Variants in ENTPD1 observed in about 807,000 individuals in gnomAD.
ENTPD1 encodes ATP diphosphohydrolase.
Under a neutral mutation model 57.0 loss-of-function variants are expected in ENTPD1, and 33 were observed. The ratio of observed to expected loss-of-function variants is 0.58; its 90% CI spans 0.44 to 0.77. The LOEUF is 0.77. Among genes scored for constraint, ENTPD1 ranks in the 30% least tolerant of loss-of-function variants. The probability of loss-of-function intolerance (pLI) is 0.00; values close to 1 mark genes in which losing one functional copy is unlikely to be tolerated. For synonymous variants in ENTPD1, 202 were observed against 218.8 expected, an observed-to-expected ratio of 0.92 and a Z score of 0.68; for missense variants, 501 against 603.4, an observed-to-expected ratio of 0.83 and a Z score of 1.78.
At chr10:95,758,991 C>T (rs1392115464) in intron 1 of ENTPD1, among the ~76,000 whole-genome samples, 2 of 152,200 alleles carry the variant, frequency 1.3e-5, no homozygotes, top group Non-Finnish European at 2.9e-5. Context: ...TTTGGTGTTC[C>T]TCTCAGAGAA....
chr10:95,775,062 G>C (rs1249298848), intron 1 of ENTPD1, among the ~76,000 whole-genome samples: 2 of 152,142 alleles, frequency 1.3e-5, no homozygotes, highest in African/African-American at 4.8e-5. Context: ...TTGTGAGTTG[G>C]ATTCCTAGGT....
intron 1 of ENTPD1, among the ~76,000 whole-genome samples, chr10:95,741,352 A>C (rs545818371): frequency 6.6e-6 from 1 of 152,366 alleles, no homozygotes; most frequent in Admixed American, 6.5e-5. Context: ...AATTAAGTTC[A>C]TCATCTTATA....
At chr10:95,732,757 C>T (rs747841063) in intron 1 of ENTPD1, among the ~76,000 whole-genome samples, 3 of 152,032 alleles carry the variant, frequency 2.0e-5, no homozygotes, top group African/African-American at 4.8e-5. Context: ...ACACACATGT[C>T]GGCAGGTTCC....
At chr10:95,782,088 A>G (rs559841687) in intron 1 of ENTPD1, among the ~76,000 whole-genome samples, 2 of 152,360 alleles carry the variant, frequency 1.3e-5, no homozygotes, top group South Asian at 4.1e-4. Flanking sequence ...TGAGCTGAAG[A>G]TAATACTGCA....
At chr10:95,859,672 T>C (rs1042422566) in intron 7 of ENTPD1, among the ~76,000 whole-genome samples, 7 of 152,110 alleles carry the variant, frequency 4.6e-5, no homozygotes, top group Admixed American at 4.6e-4. Flanking sequence ...GCTCAATTAT[T>C]TTTTCCCCTT....
At chr10:95,824,239 G>A (rs1462727628) in intron 2 of ENTPD1, among the ~76,000 whole-genome samples, 1 of 152,232 alleles carries the variant, frequency 6.6e-6, no homozygotes, top group Non-Finnish European at 1.5e-5. Flanking sequence ...ATGCATGTAT[G>A]TACACATGGG....
chr10:95,786,076 C>T (rs1040823516), intron 1 of ENTPD1, among the ~76,000 whole-genome samples: 3 of 152,120 alleles, frequency 2.0e-5, no homozygotes, highest in African/African-American at 7.2e-5. Context: ...CTGAGGGCCT[C>T]ATATCTGAGC....
chr10:95,713,994 A>G (rs774537643), intron 1 of ENTPD1, among the ~76,000 whole-genome samples: 10 of 152,336 alleles, frequency 6.6e-5, no homozygotes, highest in Admixed American at 4.6e-4. Context: ...TATCACAGAA[A>G]TGACATCTAC....
At chr10:95,839,846 G>A in intron 3 of ENTPD1, 38 bp downstream of exon 3, 1 of 1,599,502 alleles carries the variant, frequency 6.3e-7, no homozygotes, top group Non-Finnish European at 8.6e-7. Context: ...GCCAACAGTG[G>A]GGCATGAGAA....
intron 1 of ENTPD1, among the ~76,000 whole-genome samples, chr10:95,737,855 C>T (rs2097996340): frequency 6.6e-6 from 1 of 152,164 alleles, no homozygotes; most frequent in Admixed American, 6.5e-5. Context: ...TCCTCTCAAA[C>T]CCTTATGATG....
chr10:95,845,675 A>AT lies in ENTPD1; in HGVS notation c.813+81dup, dbSNP rs766428882. On this transcript the variant is annotated intron_variant, in intron 6 of 9. Coordinates refer to ENST00000371205, the MANE Select transcript of ENTPD1 (RefSeq NM_001776.6). ...CACATCCTGTTGTTTTCTGTTTCAA[A>AT]TTCAGTAGTTTGTCTGAACTTGGTT... The AT allele has an allele frequency of 1.5e-5, 24 of 1,612,520 alleles. No homozygotes were observed. The Admixed American group carries it at 3.8e-4, about 26-fold the overall frequency.
chr10:95,737,675 C>T (rs2097996135), intron 1 of ENTPD1, among the ~76,000 whole-genome samples: 1 of 152,148 alleles, frequency 6.6e-6, no homozygotes, highest in South Asian at 2.1e-4. Flanking sequence ...GCTTGAGCTG[C>T]TGCAACCGGC....
intron 2 of ENTPD1, among the ~76,000 whole-genome samples, chr10:95,828,354 C>T (rs2098385105): frequency 6.6e-6 from 1 of 152,206 alleles, no homozygotes; most frequent in South Asian, 2.1e-4. Context: ...GGAAAACAAG[C>T]TCAGGCCTCC....
intron 1 of ENTPD1, among the ~76,000 whole-genome samples, chr10:95,717,784 G>A (rs887874752): frequency 3.3e-5 from 5 of 152,154 alleles, no homozygotes; most frequent in South Asian, 2.1e-4. Flanking sequence ...GATAGGGGTC[G>A]TGCAGTTGAG....
upstream of ENTPD1, among the ~76,000 whole-genome samples, chr10:95,752,605 C>T (rs1042957381): frequency 6.6e-6 from 1 of 151,976 alleles, no homozygotes; most frequent in Admixed American, 6.6e-5. Context: ...TGCGGTGAGC[C>T]GAGATGCTGA....
At position 95,840,156 on chromosome 10, in the gene ENTPD1, C is replaced by A. The variant is rs921005401; in HGVS notation, c.262+348C>A. Among the ~76,000 whole-genome samples the A allele has an allele frequency of 1.4e-3, 220 of 152,144 alleles. 2 individuals are homozygous for A. Among genetic ancestry groups the A allele is most frequent in the Non-Finnish European group, 3.2e-4 (22 of 68,030 alleles). ...TATACTAATTTTTTAAAAATGAGGGCACTGAGGTTGAGAGAGGTTATACCA... is the reference window on the plus strand; with the variant it reads ...TATACTAATTTTTTAAAAATGAGGGAACTGAGGTTGAGAGAGGTTATACCA... On this transcript the variant is annotated intron_variant, in intron 3 of 9. Transcript: ENST00000371205.
intron 7 of ENTPD1, among the ~76,000 whole-genome samples, chr10:95,849,014 G>T (rs910873280): frequency 1.3e-5 from 2 of 152,100 alleles, no homozygotes; most frequent in African/African-American, 4.8e-5. Context: ...ACAGCTGAGG[G>T]TTTTCCTCTA....
At chr10:95,793,682 T>C (rs1349292493) in intron 1 of ENTPD1, among the ~76,000 whole-genome samples, 1 of 152,106 alleles carries the variant, frequency 6.6e-6, no homozygotes. Context: ...GCCTTCCAGG[T>C]GATTCTGATG....
chr10:95,712,735 C>T (rs1263992336), intron 1 of ENTPD1, among the ~76,000 whole-genome samples: 2 of 152,082 alleles, frequency 1.3e-5, no homozygotes, highest in Non-Finnish European at 2.9e-5. Context: ...CAAACACCAG[C>T]CTTAATAGTC....
Sources: gnomAD v4.1 joint callset for allele counts (sites outside exome capture counted in the v4.1 genomes callset) on GRCh38, gnomAD v4.1.1 for gene constraint, MANE v1.5 for transcripts, NCBI Gene and HGNC (gene_info 2026-07-23, HGNC 2026-07-21) for gene names.